Variants in CHMP6 observed in about 807,000 individuals in gnomAD.
CHMP6 encodes charged multivesicular body protein 6.
A neutral mutation model predicts 32.8 loss-of-function variants in CHMP6; 10 were observed. That is an observed-to-expected ratio of 0.30 (90% CI 0.19 to 0.52). CHMP6 has a LOEUF of 0.52. CHMP6 is among the 20% of genes least tolerant of loss of function. The pLI is 0.97. For missense variants in CHMP6, 269 were observed against 263.8 expected (o/e 1.02, Z -0.14); for synonymous variants, 123 against 105.8 (o/e 1.16, Z -1.00).
At chr17:80,992,084 C>A in intron 1 of CHMP6, 103 bp downstream of exon 1, 1 of 799,774 alleles carries the variant, frequency 1.3e-6, no homozygotes, top group South Asian at 5.7e-5. Context: ...CCCCCGCGTT[C>A]GGATGGGGAA....
intron 1 of CHMP6, among the ~76,000 whole-genome samples, chr17:80,993,928 T>C (rs1049872863): frequency 1.2e-4 from 18 of 152,056 alleles, no homozygotes; most frequent in Non-Finnish European, 1.6e-4. Flanking sequence ...ACTTTTTTTT[T>C]TTGAGATGGA....
chr17:80,996,017 A>G (rs1363398289), intron 4 of CHMP6, among the ~76,000 whole-genome samples: 1 of 152,058 alleles, frequency 6.6e-6, no homozygotes, highest in Non-Finnish European at 1.5e-5. Flanking sequence ...GGGCTGGCAA[A>G]CTAATCACAG....
Position 80,996,244 on chromosome 17 carries a change from G to A in CHMP6, c.348+486G>A, listed in dbSNP as rs569968650. 5.3e-5 allele frequency among the ~76,000 whole-genome samples: 8 copies of A among 152,054 alleles called. No individual in the cohort carries two copies. In the East Asian group the frequency reaches 5.8e-4, roughly 11 times the overall value. On this transcript the variant is annotated intron_variant, in intron 4 of 7. Transcript: ENST00000325167. ...CTGAGGCAGGAGAATCTCTTGAACC[G>A]GGAGGCAGAGGTTGCAGTGAGATGA...
intron 4 of CHMP6, among the ~76,000 whole-genome samples, chr17:80,996,641 G>A (rs1409819156): frequency 1.3e-5 from 2 of 152,216 alleles, no homozygotes; most frequent in African/African-American, 4.8e-5. Flanking sequence ...GTTTTTACTG[G>A]CGGCTGTGAG....
rs1170989571 is a variant in CHMP6 at position 80,995,734 on chromosome 17, T to C, written c.324T>C (p.Asn108=). Residue 108 remains asparagine, a synonymous_variant, in exon 4 of 8, where the codon AAT becomes AAC. Transcript: ENST00000325167. ...MKVMEGLQFG[N]ECLNKMHQVM... is the part of the protein sequence containing the mutation. The stretch of plus-strand genomic sequence containing the variant: ...TGATGGAGGGGCTGCAGTTTGGAAA[T>C]GAGTGTCTGAACAAGATGCACCAGG... 6.2e-7 allele frequency: 1 copy of C among 1,613,982 alleles called. No individual in the cohort carries two copies. Among genetic ancestry groups the C allele is most frequent in the Admixed American group, 1.7e-5 (1 of 60,012 alleles).
Position 81,000,024 on chromosome 17 carries a change from A to G in CHMP6, c.*871A>G, listed in dbSNP as rs949342302. The G allele has an allele frequency of 6.6e-6, 1 of 152,102 alleles. No individual in the cohort carries two copies. Among genetic ancestry groups the G allele is most frequent in the Non-Finnish European group, 1.5e-5 (1 of 68,040 alleles). 9.4% of individuals were successfully genotyped at this position (152,102 alleles called of 1,614,324 possible). A position where few individuals can be genotyped will look rare whatever the true frequency, so the allele number is the denominator to read the frequency against. ...TGCACAGGGCTGGTTTGGTTATGAGACGATCTCGCTGGGACCGCCCCTGCC... is the reference window on the plus strand; with the variant it reads ...TGCACAGGGCTGGTTTGGTTATGAGGCGATCTCGCTGGGACCGCCCCTGCC... On this transcript the variant is annotated 3_prime_UTR_variant, in exon 8 of 8. Coordinates refer to ENST00000325167, the MANE Select transcript of CHMP6 (RefSeq NM_024591.5).
chr17:80,997,698 C>T (rs2069651360), intron 6 of CHMP6, among the ~76,000 whole-genome samples: 1 of 152,088 alleles, frequency 6.6e-6, no homozygotes, highest in African/African-American at 2.4e-5. Flanking sequence ...GTCCTGGCCC[C>T]AGGCTCACAT....
In CHMP6 at chr17:80,999,434, C is replaced by T. The variant is rs2069667135; in HGVS notation, c.*281C>T. On this transcript the variant is annotated 3_prime_UTR_variant, in exon 8 of 8. Transcript: ENST00000325167. ...GTGGGCTCCCCCGGTGGCCGAGGCCCAGGCCCAACGCCTCTGGTGCTGTTC... is the reference window on the plus strand; with the variant it reads ...GTGGGCTCCCCCGGTGGCCGAGGCCTAGGCCCAACGCCTCTGGTGCTGTTC... The T allele has an allele frequency of 2.2e-6, 1 of 450,984 alleles. No homozygotes were observed. The highest frequency in any genetic ancestry group is 2.3e-5 in the South Asian group (1 of 44,124). The allele number at this position is 450,984 out of a possible 1,614,324, so 27.9% of individuals were successfully genotyped here.
chr17:80,996,586 CAAAA>C (rs1481593271), intron 4 of CHMP6, among the ~76,000 whole-genome samples: 1 of 152,202 alleles, frequency 6.6e-6, no homozygotes, highest in Non-Finnish European at 1.5e-5. Flanking sequence ...TTTTGCCACT[CAAAA>C]GAAATCAAGT....
At chr17:80,997,904 A>G (rs1489221149) in intron 6 of CHMP6, among the ~76,000 whole-genome samples, 1 of 152,156 alleles carries the variant, frequency 6.6e-6, no homozygotes, top group Non-Finnish European at 1.5e-5. Context: ...CTTTCTCCTG[A>G]GGGTCCGAGT....
chr17:80,996,399 C>T (rs1367267939), intron 4 of CHMP6, among the ~76,000 whole-genome samples: 2 of 152,004 alleles, frequency 1.3e-5, no homozygotes, highest in Non-Finnish European at 2.9e-5. Flanking sequence ...TGAAGCCCAG[C>T]GTGGCCATAC....
intron 5 of CHMP6, 69 bp downstream of exon 5, chr17:80,997,141 T>C (rs931459276): frequency 1.2e-6 from 2 of 1,604,622 alleles, no homozygotes; most frequent in African/African-American, 1.3e-5. Context: ...AGGGCCAAAC[T>C]GTCCCACATC....
At chr17:80,998,597 G>A (rs911235550) in intron 7 of CHMP6, 177 bp downstream of exon 7, 1 of 1,463,000 alleles carries the variant, frequency 6.8e-7, no homozygotes, top group Non-Finnish European at 9.0e-7. Flanking sequence ...GGGTTTCCCA[G>A]GGGTTCGGTA....
At chr17:80,994,072 C>G (rs941995625) in intron 1 of CHMP6, among the ~76,000 whole-genome samples, 1 of 152,180 alleles carries the variant, frequency 6.6e-6, no homozygotes, top group African/African-American at 2.4e-5. Flanking sequence ...CCACCACACC[C>G]GGCTAATATT....
chr17:80,997,960 G>A (rs1006400020), intron 6 of CHMP6, among the ~76,000 whole-genome samples: 4 of 152,230 alleles, frequency 2.6e-5, no homozygotes, highest in South Asian at 2.1e-4. Flanking sequence ...AGAAGCACCC[G>A]TGCTGGCTTA....
Position 80,997,001 on chromosome 17 carries a change from C to G in CHMP6, c.349-6C>G, listed in dbSNP as rs1307708654. 5 of 1,612,804 alleles carry G rather than the reference C, an allele frequency of 3.1e-6. No homozygotes were observed. The Admixed American group carries it at 6.7e-5, about 22-fold the overall frequency. On this transcript the variant is annotated splice_region_variant and splice_polypyrimidine_tract_variant and intron_variant, in intron 4 of 7. Coordinates refer to ENST00000325167, the MANE Select transcript of CHMP6 (RefSeq NM_024591.5). ...AGGGGTCAACACCCATCACCCTCGT[C>G]CACAGGTGATGTCCATTGAAGAGGT...
Position 80,999,461 on chromosome 17 carries a change from C to T in CHMP6, c.*308C>T. On this transcript the variant is annotated 3_prime_UTR_variant, in exon 8 of 8. Coordinates refer to ENST00000325167, the MANE Select transcript of CHMP6 (RefSeq NM_024591.5). Reference sequence around the variant, plus strand: ...GGCCCAACGCCTCTGGTGCTGTTCCCCTGCAGTCCCAGCCCCGCGTGGCTC... The same window carrying T: ...GGCCCAACGCCTCTGGTGCTGTTCCTCTGCAGTCCCAGCCCCGCGTGGCTC... 2.6e-6 allele frequency: 1 copy of T among 392,148 alleles called. No homozygotes were observed. Among genetic ancestry groups the T allele is most frequent in the Non-Finnish European group, 4.8e-6 (1 of 210,360 alleles). 24.3% of individuals were successfully genotyped at this position (392,148 alleles called of 1,614,324 possible). A position where few individuals can be genotyped will look rare whatever the true frequency, so the allele number is the denominator to read the frequency against.
At chr17:80,994,316 G>A (rs1389169277) in intron 1 of CHMP6, among the ~76,000 whole-genome samples, 3 of 152,182 alleles carry the variant, frequency 2.0e-5, no homozygotes, top group African/African-American at 7.2e-5. Flanking sequence ...GCAATGCCAC[G>A]GTGGTCTTCC....
chr17:80,992,070 CG>C, intron 1 of CHMP6, 89 bp downstream of exon 1: 1 of 936,944 alleles, frequency 1.1e-6, no homozygotes, highest in Non-Finnish European at 1.4e-6. Context: ...CCCGCGCCCT[CG>C]GCCCCCCGCG....
Sources: gnomAD v4.1 joint callset for allele counts (sites outside exome capture counted in the v4.1 genomes callset) on GRCh38, gnomAD v4.1.1 for gene constraint, MANE v1.5 for transcripts, NCBI Gene and HGNC (gene_info 2026-07-23, HGNC 2026-07-21) for gene names.